Variants in BBS9 observed in about 807,000 individuals in gnomAD.
The protein encoded by BBS9 is Bardet-Biedl syndrome 9.
A neutral mutation model predicts 117.7 loss-of-function variants in BBS9; 89 were observed. The ratio of observed to expected loss-of-function variants is 0.76; its 90% CI spans 0.64 to 0.90. BBS9 has a LOEUF of 0.90. Ranked by LOEUF, BBS9 falls within the 40% of genes least tolerant of loss-of-function variation. BBS9 has a pLI of 0.00. For missense variants in BBS9, 982 were observed against 1,042.2 expected (o/e 0.94, Z 0.80); for synonymous variants, 379 against 370.9 (o/e 1.02, Z -0.25).
At chr7:33,612,133 T>A (rs1240174057) in intron 21 of BBS9, among the ~76,000 whole-genome samples, 1 of 114,064 alleles carries the variant, frequency 8.8e-6, no homozygotes, top group Non-Finnish European at 1.6e-5. Flanking sequence ...TTACTTTAGA[T>A]CTCTAGTCGT....
At chr7:33,278,668 C>T (rs1801244709) in intron 9 of BBS9, among the ~76,000 whole-genome samples, 1 of 152,044 alleles carries the variant, frequency 6.6e-6, no homozygotes, top group Admixed American at 6.6e-5. Context: ...ACTATTTCTT[C>T]ACTGTAATTA....
chr7:33,152,555 T>A (rs1793501750), intron 2 of BBS9, 146 bp from the exon 3 acceptor site: 1 of 719,746 alleles, frequency 1.4e-6, no homozygotes. Flanking sequence ...TTACACCTTT[T>A]TTGACAGAGT....
chr7:33,267,706 A>G (rs754712007), intron 7 of BBS9, among the ~76,000 whole-genome samples: 13 of 152,126 alleles, frequency 8.5e-5, no homozygotes, highest in Non-Finnish European at 1.8e-4. Context: ...CCCATATTAC[A>G]TTGTAATTAT....
At chr7:33,389,395 A>AT (rs1290540996) in intron 19 of BBS9, among the ~76,000 whole-genome samples, 3 of 151,972 alleles carry the variant, frequency 2.0e-5, no homozygotes, top group Admixed American at 2.0e-4. Flanking sequence ...GTTTCTTAAA[A>AT]TTTTCTTGGT....
intron 9 of BBS9, among the ~76,000 whole-genome samples, chr7:33,278,766 C>T (rs2128361673): frequency 6.6e-6 from 1 of 152,278 alleles, no homozygotes; most frequent in East Asian, 1.9e-4. Flanking sequence ...TGTAAGAGCT[C>T]ACCTCTAGGT....
intron 9 of BBS9, among the ~76,000 whole-genome samples, chr7:33,281,942 G>A (rs1419153897): frequency 6.6e-6 from 1 of 151,920 alleles, no homozygotes; most frequent in Non-Finnish European, 1.5e-5. Flanking sequence ...AGCCTCACAA[G>A]TAGCTGGGAC....
intron 20 of BBS9, among the ~76,000 whole-genome samples, chr7:33,522,233 A>T (rs1278833374): frequency 1.3e-5 from 2 of 152,140 alleles, no homozygotes; most frequent in Admixed American, 1.3e-4. Flanking sequence ...TTATAGCAGC[A>T]AGATTTATAG....
At chr7:33,565,862 A>ATATATC in intron 21 of BBS9, among the ~76,000 whole-genome samples, 1 of 138,982 alleles carries the variant, frequency 7.2e-6, no homozygotes, top group Admixed American at 7.3e-5. Context: ...ATATATATAT[A>ATATATC]TATATATAGC....
intron 9 of BBS9, among the ~76,000 whole-genome samples, chr7:33,275,261 T>A (rs1800553199): frequency 6.6e-6 from 1 of 152,242 alleles, no homozygotes; most frequent in Admixed American, 6.5e-5. Flanking sequence ...TTCTAATTGC[T>A]ATGCACTTAA....
chr7:33,559,392 G>C (rs2598406), intron 21 of BBS9, among the ~76,000 whole-genome samples: 152,193 of 152,282 alleles, frequency 1, 76,052 homozygotes, highest in Middle Eastern at 1. Flanking sequence ...GTTAGCCAAC[G>C]ATGATTTTTT....
At position 33,177,585 on chromosome 7, in the gene BBS9, G is replaced by A. The variant is rs372412756; in HGVS notation, c.436G>A (p.Val146Ile). ...CNMTYGSFGG[V>I]KGRDLICIQS... Reference sequence around the variant, plus strand: ...TATGACCTATGGATCATTTGGTGGTGTAAAAGGTAATTTGCTTTTAATCAT... The same window carrying A: ...TATGACCTATGGATCATTTGGTGGTATAAAAGGTAATTTGCTTTTAATCAT... The change falls in exon 5 of 23, where the codon GTA (valine) becomes ATA (isoleucine). Residue 146 changes from valine (V) to isoleucine (I), a missense_variant. Physicochemically the swap from Val to Ile is conservative, Grantham distance 29. Coordinates refer to ENST00000242067, the MANE Select transcript of BBS9 (RefSeq NM_198428.3). 8.7e-6 allele frequency: 14 copies of A among 1,606,722 alleles called. No homozygotes were observed. In the African/African-American group the frequency reaches 1.1e-4, roughly 12 times the overall value.
At chr7:33,450,877 GTTTT>G (rs1231078990) in intron 19 of BBS9, among the ~76,000 whole-genome samples, 3 of 126,866 alleles carry the variant, frequency 2.4e-5, no homozygotes, top group East Asian at 8.5e-4. Context: ...TTTTTTTTTT[GTTTT>G]TTTGTTTTTT....
intron 2 of BBS9, among the ~76,000 whole-genome samples, chr7:33,148,007 G>T (rs1320244768): frequency 2.0e-5 from 3 of 152,208 alleles, no homozygotes; most frequent in African/African-American, 7.2e-5. Flanking sequence ...GATGCTATAA[G>T]ATTGTATTCT....
intron 9 of BBS9, among the ~76,000 whole-genome samples, chr7:33,303,022 A>T (rs1806835797): frequency 6.6e-6 from 1 of 151,994 alleles, no homozygotes; most frequent in African/African-American, 2.4e-5. Flanking sequence ...AATTTTCTTC[A>T]TAGCTATTGT....
chr7:33,485,764 A>T (rs1843030651), intron 19 of BBS9, among the ~76,000 whole-genome samples: 1 of 152,224 alleles, frequency 6.6e-6, no homozygotes, highest in East Asian at 1.9e-4. Flanking sequence ...ATTAGTTGAC[A>T]CTCAAATCCA....
intron 9 of BBS9, among the ~76,000 whole-genome samples, chr7:33,297,811 A>G (rs1023406072): frequency 6.6e-6 from 1 of 152,172 alleles, no homozygotes; most frequent in Non-Finnish European, 1.5e-5. Context: ...AATTGAGCAT[A>G]GGACAGATTT....
intron 10 of BBS9, among the ~76,000 whole-genome samples, chr7:33,338,115 T>C (rs2128629943): frequency 6.6e-6 from 1 of 152,242 alleles, no homozygotes; most frequent in South Asian, 2.1e-4. Context: ...CCCACAGACT[T>C]AGGTGTAAAG....
At chr7:33,169,130 G>C (rs1434363085) in intron 4 of BBS9, among the ~76,000 whole-genome samples, 1 of 147,896 alleles carries the variant, frequency 6.8e-6, no homozygotes, top group African/African-American at 2.5e-5. Context: ...TCCCTACAAA[G>C]GACATGAACT....
At chr7:33,164,777 T>C (rs1795404681) in intron 4 of BBS9, among the ~76,000 whole-genome samples, 1 of 152,122 alleles carries the variant, frequency 6.6e-6, no homozygotes, top group Admixed American at 6.6e-5. Flanking sequence ...GTCTGGACTC[T>C]ATCCAATTTG....
Sources: allele counts gnomAD v4.1 joint callset (sites outside exome capture counted in the v4.1 genomes callset), GRCh38; gene constraint gnomAD v4.1.1; transcripts MANE v1.5; gene names NCBI Gene and HGNC (gene_info 2026-07-23, HGNC 2026-07-21).